CNTNAP5: variants seen among roughly 807,000 people sequenced by gnomAD.
CNTNAP5 encodes the protein contactin-associated protein-like 5.
Under a neutral mutation model 150.2 loss-of-function variants are expected in CNTNAP5, and 72 were observed. The ratio of observed to expected loss-of-function variants is 0.48; its 90% CI spans 0.40 to 0.58. The LOEUF (loss-of-function observed/expected upper bound fraction) is 0.58, where lower values mean the gene tolerates loss of function less well. Among genes scored for constraint, CNTNAP5 ranks in the 20% least tolerant of loss-of-function variants. The pLI, the probability that CNTNAP5 is intolerant of heterozygous loss-of-function variation, is 0.00. For synonymous variants in CNTNAP5, 672 were observed against 619.8 expected, an observed-to-expected ratio of 1.08 and a Z score of -1.25; for missense variants, 1,636 against 1,626.2, an observed-to-expected ratio of 1.01 and a Z score of -0.10.
rs1244545475 is a variant in CNTNAP5, at chr2:124,911,527, C to T, written c.3716C>T (p.Ala1239Val). 3.8e-6 allele frequency: 6 copies of T among 1,597,902 alleles called. No homozygotes were observed. The highest frequency in any genetic ancestry group is 1.1e-5 in the South Asian group (1 of 88,480). ...ACAAATGCTGTTCGAAGTGATTCGG[C>T]AGTCATCGGAGGTAAACAATTCATT... ...PLTNAVRSDS[A>V]VIGGVIAVVI... The change falls in exon 23 of 24, where the codon GCA (alanine) becomes GTA (valine). Residue 1239 changes from alanine to valine, a missense_variant. Physicochemically the swap from Ala to Val is moderately conservative, Grantham distance 64. Transcript: ENST00000682447.
rs1678773602 is a variant in CNTNAP5 at position 124,916,578 on chromosome 2, T to C, written c.*2290T>C. 6.6e-6 allele frequency among the ~76,000 whole-genome samples: 1 copy of C among 152,084 alleles called. No homozygotes were observed. Among genetic ancestry groups the C allele is most frequent in the African/African-American group, 2.4e-5 (1 of 41,448 alleles). ...TTCAATCTTTGAGCAGTGAGGACTA[T>C]GTTTTGCTGACATAGTGCTAATAGA... On this transcript the variant is annotated 3_prime_UTR_variant, in exon 24 of 24. Transcript: ENST00000682447.
chr2:124,048,556 C>T (rs1029856130), intron 1 of CNTNAP5, among the ~76,000 whole-genome samples: 1 of 152,136 alleles, frequency 6.6e-6, no homozygotes, highest in South Asian at 2.1e-4. Flanking sequence ...GCTCTCTATA[C>T]ACTTTCTTAA....
chr2:124,334,369 G>T (rs1444156542), intron 3 of CNTNAP5, among the ~76,000 whole-genome samples: 1 of 152,124 alleles, frequency 6.6e-6, no homozygotes. Context: ...AATCATAGAA[G>T]AGTCAGCTTG....
At chr2:124,271,406 G>T (rs745431850) in intron 3 of CNTNAP5, among the ~76,000 whole-genome samples, 7 of 152,124 alleles carry the variant, frequency 4.6e-5, no homozygotes, top group Non-Finnish European at 1.0e-4. Flanking sequence ...TTCATGGTCA[G>T]AGAGGCCTGG....
intron 3 of CNTNAP5, among the ~76,000 whole-genome samples, chr2:124,358,288 C>T (rs866686207): frequency 6.6e-6 from 1 of 151,834 alleles, no homozygotes; most frequent in African/African-American, 2.4e-5. Flanking sequence ...AATTGAATAC[C>T]CTTTATTTCC....
chr2:124,841,203 A>T (rs562810472), intron 19 of CNTNAP5, among the ~76,000 whole-genome samples: 137 of 152,120 alleles, frequency 9.0e-4, no homozygotes, highest in African/African-American at 3.1e-3. Flanking sequence ...CATAAATAAC[A>T]TTGGGAAAAA....
At chr2:124,347,648 T>A (rs1181708596) in intron 3 of CNTNAP5, among the ~76,000 whole-genome samples, 2 of 152,214 alleles carry the variant, frequency 1.3e-5, no homozygotes, top group Admixed American at 6.5e-5. Flanking sequence ...GTTGCCTACC[T>A]GACTGATATT....
intron 11 of CNTNAP5, among the ~76,000 whole-genome samples, chr2:124,602,141 G>A (rs1256922665): frequency 2.6e-5 from 4 of 151,940 alleles, no homozygotes; most frequent in African/African-American, 4.8e-5. Flanking sequence ...TCAGGAGTTC[G>A]AGACCAGCCT....
intron 17 of CNTNAP5, among the ~76,000 whole-genome samples, chr2:124,775,531 G>A (rs1280705518): frequency 6.6e-6 from 1 of 152,176 alleles, no homozygotes; most frequent in East Asian, 1.9e-4. Context: ...TGACACAGCT[G>A]CCGTGGTCAT....
chr2:124,557,720 G>C (rs1236541922), intron 10 of CNTNAP5, among the ~76,000 whole-genome samples: 1 of 152,076 alleles, frequency 6.6e-6, no homozygotes, highest in Non-Finnish European at 1.5e-5. Context: ...AGAGATTCCA[G>C]GGAAACAATG....
intron 11 of CNTNAP5, among the ~76,000 whole-genome samples, chr2:124,601,444 G>A (rs1696981180): frequency 6.6e-6 from 1 of 152,108 alleles, no homozygotes; most frequent in Non-Finnish European, 1.5e-5. Context: ...GTATTTCAGG[G>A]ACCACTATCA....
At chr2:124,313,502 GA>G (rs1688884839) in intron 3 of CNTNAP5, among the ~76,000 whole-genome samples, 1 of 152,180 alleles carries the variant, frequency 6.6e-6, no homozygotes, top group South Asian at 2.1e-4. Context: ...TTTGTTCACA[GA>G]ATTGCCTAGA....
chr2:124,905,760 C>T (rs1225269435), intron 22 of CNTNAP5, among the ~76,000 whole-genome samples: 2 of 152,012 alleles, frequency 1.3e-5, no homozygotes, highest in African/African-American at 4.8e-5. Context: ...GTTGCAGCTT[C>T]CATGGGAAGG....
At chr2:124,866,833 A>G (rs541678672) in intron 20 of CNTNAP5, among the ~76,000 whole-genome samples, 2 of 152,088 alleles carry the variant, frequency 1.3e-5, no homozygotes, top group South Asian at 2.1e-4. Flanking sequence ...CTGGTTGACC[A>G]TTTTACACTC....
intron 3 of CNTNAP5, among the ~76,000 whole-genome samples, chr2:124,411,895 A>G (rs1691776660): frequency 1.8e-5 from 1 of 56,112 alleles, no homozygotes; most frequent in Non-Finnish European, 3.7e-5. Flanking sequence ...TAGGCAGGAG[A>G]AGGAAATAAA....
intron 11 of CNTNAP5, among the ~76,000 whole-genome samples, chr2:124,599,430 G>A (rs1052794392): frequency 1.3e-5 from 2 of 151,966 alleles, no homozygotes; most frequent in African/African-American, 4.8e-5. Flanking sequence ...TGGCCATTAT[G>A]TAATTTTAAA....
At chr2:124,365,777 A>G (rs1690356176) in intron 3 of CNTNAP5, among the ~76,000 whole-genome samples, 1 of 152,226 alleles carries the variant, frequency 6.6e-6, no homozygotes. Context: ...TGAAAGATCT[A>G]AAAGACACCC....
At chr2:124,809,773 A>C (rs1330486602) in intron 19 of CNTNAP5, among the ~76,000 whole-genome samples, 1 of 152,212 alleles carries the variant, frequency 6.6e-6, no homozygotes, top group African/African-American at 2.4e-5. Context: ...TCCAATATCT[A>C]ATAGTATTTA....
At chr2:124,144,274 C>A (rs1573787935) in intron 1 of CNTNAP5, among the ~76,000 whole-genome samples, 1 of 20,194 alleles carries the variant, frequency 5.0e-5, no homozygotes, top group East Asian at 1.8e-3. Flanking sequence ...ACTTTCTTCA[C>A]AGAATTGGAA....
Sources: gnomAD v4.1 joint callset for allele counts (sites outside exome capture counted in the v4.1 genomes callset) on GRCh38, gnomAD v4.1.1 for gene constraint, MANE v1.5 for transcripts, NCBI Gene and HGNC (gene_info 2026-07-23, HGNC 2026-07-21) for gene names.